The following RYR2 variants were observed in gnomAD, a reference collection of about 807,000 sequenced individuals.
The protein encoded by RYR2 is cardiac muscle ryanodine receptor-calcium release channel.
A neutral mutation model predicts 601.1 loss-of-function variants in RYR2; 227 were observed. The observed-to-expected ratio is 0.38, with a 90% CI of 0.34 to 0.42. RYR2 has a LOEUF of 0.42. Ranked by LOEUF, RYR2 falls within the 10% of genes least tolerant of loss-of-function variation. The pLI is 1.00. For missense variants in RYR2, 4,646 were observed against 6,156.5 expected, an observed-to-expected ratio of 0.75 and a Z score of 8.21; for synonymous variants, 2,223 against 2,175.1, an observed-to-expected ratio of 1.02 and a Z score of -0.61.
chr1:237,670,276 G>A (rs1435256728), intron 58 of RYR2, among the ~76,000 whole-genome samples: 6 of 149,430 alleles, frequency 4.0e-5, no homozygotes, highest in Admixed American at 6.7e-5. Flanking sequence ...GAGGGAGACC[G>A]TGGGGAGAGG....
At chr1:237,127,593 T>C (rs1350874595) in intron 1 of RYR2, among the ~76,000 whole-genome samples, 3 of 141,092 alleles carry the variant, frequency 2.1e-5, no homozygotes, top group Admixed American at 7.0e-5. Context: ...CCGGACGGGG[T>C]GGCTGCCGGG....
chr1:237,380,826 C>T (rs1216507222), intron 8 of RYR2, among the ~76,000 whole-genome samples: 2 of 151,906 alleles, frequency 1.3e-5, no homozygotes, highest in African/African-American at 2.4e-5. Context: ...GCCTGTAATC[C>T]CAACACTCTG....
At chr1:237,196,362 G>A (rs1048844556) in intron 1 of RYR2, among the ~76,000 whole-genome samples, 4 of 152,062 alleles carry the variant, frequency 2.6e-5, no homozygotes, top group African/African-American at 9.7e-5. Flanking sequence ...GTTTTCATTT[G>A]CATTATCTTA....
At chr1:237,093,628 G>T (rs984488030) in intron 1 of RYR2, among the ~76,000 whole-genome samples, 1 of 152,164 alleles carries the variant, frequency 6.6e-6, no homozygotes, top group Non-Finnish European at 1.5e-5. Flanking sequence ...ATCAGCCCTG[G>T]ATGGAGGTGG....
chr1:237,148,529 T>TATATATATATATATATACACAC (rs1558319890), intron 1 of RYR2, among the ~76,000 whole-genome samples: 5 of 42,534 alleles, frequency 1.2e-4, no homozygotes, highest in African/African-American at 4.5e-4. Context: ...AAAAAAAAAA[T>TATATATATATATATATACACAC]ATATATATAT....
chr1:237,694,846 C>T (rs181120996), intron 63 of RYR2, among the ~76,000 whole-genome samples: 83 of 152,290 alleles, frequency 5.5e-4, no homozygotes, highest in African/African-American at 1.9e-3. Flanking sequence ...TGACACTCTG[C>T]AATTTCTCTC....
intron 89 of RYR2, among the ~76,000 whole-genome samples, chr1:237,783,414 T>A (rs2149351120): frequency 6.6e-6 from 1 of 152,354 alleles, no homozygotes; most frequent in East Asian, 1.9e-4. Context: ...ACATGTTGCT[T>A]CTTTGATTGA....
chr1:237,550,544 G>A lies in RYR2; in HGVS notation c.3067G>A (p.Asp1023Asn). 6.2e-7 allele frequency: 1 copy of A among 1,608,552 alleles called. No homozygotes were observed. The highest frequency in any genetic ancestry group is 8.5e-7 in the Non-Finnish European group (1 of 1,177,606). Reference protein sequence around the residue: ...RQGWTYGIQQDVKNRRNPRLV... With the variant: ...RQGWTYGIQQNVKNRRNPRLV... ...GGCTGCACCCTGTGTTTTCCTGCAG[G>A]ACGTAAAGAACAGAAGAAATCCTCG... Residue 1023 changes from aspartate (D) to asparagine (N), a missense_variant and splice_region_variant, in exon 27 of 105, where the codon GAC (aspartate) becomes AAC (asparagine). Physicochemically the swap from Asp to Asn is conservative, Grantham distance 23. Transcript: ENST00000366574.
At chr1:237,469,622 C>G (rs949539540) in intron 17 of RYR2, among the ~76,000 whole-genome samples, 1 of 152,066 alleles carries the variant, frequency 6.6e-6, no homozygotes, top group African/African-American at 2.4e-5. Flanking sequence ...ACTAAAGAGC[C>G]AGAATTCTCA....
At chr1:237,118,060 ATT>A (rs1211465455) in intron 1 of RYR2, among the ~76,000 whole-genome samples, 1 of 152,184 alleles carries the variant, frequency 6.6e-6, no homozygotes, top group Non-Finnish European at 1.5e-5. Flanking sequence ...GTTTCAATCA[ATT>A]TTCAATTTTC....
At chr1:237,511,847 A>AAAAAC in intron 24 of RYR2, 56 bp downstream of exon 24, 1 of 1,014,066 alleles carries the variant, frequency 9.9e-7, no homozygotes, top group Non-Finnish European at 1.4e-6. Context: ...AAAAAAAAAA[A>AAAAAC]AAAAAAAAAA....
At position 237,530,523 on chromosome 1, in the gene RYR2, A is replaced by C. The variant is rs776713833; in HGVS notation, c.2906+13A>C. 1 of 1,557,450 alleles carries C rather than the reference A, an allele frequency of 6.4e-7. No individual in the cohort carries two copies. On this transcript the variant is annotated intron_variant, in intron 25 of 104. Transcript: ENST00000366574. ...AGCTACCCAAGAAGTAAGTTGAATGACTAAGCAATATTAAATAATCTGTGT... is the reference window on the plus strand; with the variant it reads ...AGCTACCCAAGAAGTAAGTTGAATGCCTAAGCAATATTAAATAATCTGTGT...
intron 3 of RYR2, among the ~76,000 whole-genome samples, chr1:237,349,562 G>T (rs1446387350): frequency 6.6e-6 from 1 of 152,102 alleles, no homozygotes; most frequent in African/African-American, 2.4e-5. Context: ...ATGCCTTGTG[G>T]GGTTTAAAAT....
chr1:237,357,323 C>A (rs1699388400), intron 4 of RYR2, among the ~76,000 whole-genome samples: 1 of 152,176 alleles, frequency 6.6e-6, no homozygotes, highest in Non-Finnish European at 1.5e-5. Flanking sequence ...CTTCTCAGAA[C>A]ACGTATGACA....
intron 1 of RYR2, among the ~76,000 whole-genome samples, chr1:237,220,699 T>C (rs1683712456): frequency 6.6e-6 from 1 of 152,222 alleles, no homozygotes; most frequent in Non-Finnish European, 1.5e-5. Context: ...ATTTTACAGT[T>C]GAGGAAATGC....
At chr1:237,461,095 A>G (rs948382031) in intron 16 of RYR2, among the ~76,000 whole-genome samples, 1 of 152,220 alleles carries the variant, frequency 6.6e-6, no homozygotes. Flanking sequence ...AATCATAATT[A>G]TTGTAGGTGT....
chr1:237,748,457 G>C (rs972084997), intron 80 of RYR2, among the ~76,000 whole-genome samples: 1 of 152,192 alleles, frequency 6.6e-6, no homozygotes, highest in South Asian at 2.1e-4. Context: ...AATACAGCCT[G>C]TTGAGTGTCC....
intron 2 of RYR2, among the ~76,000 whole-genome samples, chr1:237,296,809 T>A (rs910535264): frequency 1.6e-4 from 25 of 152,188 alleles, no homozygotes; most frequent in African/African-American, 5.8e-4. Flanking sequence ...CAGAGGAGAA[T>A]GACCTGCAAA....
chr1:237,591,122 T>TCTCCTCCTCCCCCTC, intron 31 of RYR2, 130 bp downstream of exon 31: 1 of 66,566 alleles, frequency 1.5e-5, no homozygotes, highest in South Asian at 1.8e-4. Context: ...TCTTCCCCCT[T>TCTCCTCCTCCCCCTC]CTCCTCCTCC....
Sources: gnomAD v4.1 joint callset for allele counts (sites outside exome capture counted in the v4.1 genomes callset) on GRCh38, gnomAD v4.1.1 for gene constraint, MANE v1.5 for transcripts, NCBI Gene and HGNC (gene_info 2026-07-23, HGNC 2026-07-21) for gene names.